BID: variants seen among roughly 807,000 people sequenced by gnomAD.
The protein encoded by BID is BH3 interacting domain death agonist.
BID carries 19 observed loss-of-function variants against 17.4 expected under a neutral mutation model. That is an observed-to-expected ratio of 1.09 (90% CI 0.76 to 1.60). BID has a LOEUF of 1.60. BID is among the 40% of genes most tolerant of loss of function. The probability of loss-of-function intolerance (pLI) is 0.00; values close to 1 mark genes in which losing one functional copy is unlikely to be tolerated. For missense variants in BID, 226 were observed against 256.0 expected, an observed-to-expected ratio of 0.88 and a Z score of 0.80; for synonymous variants, 108 against 102.8, an observed-to-expected ratio of 1.05 and a Z score of -0.31.
At position 17,738,348 on chromosome 22, in the gene BID, G is replaced by A. The variant is rs535614913; in HGVS notation, c.364-119C>T. The A allele has an allele frequency of 1.3e-4, 127 of 940,976 alleles. 2 individuals are homozygous for A. Among genetic ancestry groups the A allele is most frequent in the South Asian group, 1.3e-3 (82 of 61,286 alleles). The allele number at this position is 940,976 out of a possible 1,614,324, so 58.3% of individuals were successfully genotyped here. A position where few individuals can be genotyped will look rare whatever the true frequency, so the allele number is the denominator to read the frequency against. On this transcript the variant is annotated intron_variant, in intron 4 of 5. Transcript: ENST00000622694. The stretch of plus-strand genomic sequence containing the variant: ...TATTAAGTATCCAGGGCTGCTGGGC[G>A]GAAAGAATGAGAAACAGTTGAGTTC...
intron 1 of BID, among the ~76,000 whole-genome samples, chr22:17,771,151 G>A (rs2061716409): frequency 6.6e-6 from 1 of 152,332 alleles, no homozygotes; most frequent in East Asian, 1.9e-4. Flanking sequence ...CCAGGCTGGA[G>A]TGCAGTGGCG....
intron 1 of BID, among the ~76,000 whole-genome samples, chr22:17,751,378 CAAA>C (rs771455561): frequency 1.2e-5 from 1 of 80,674 alleles, no homozygotes; most frequent in Non-Finnish European, 2.7e-5. Flanking sequence ...GACTCCGTCT[CAAA>C]AAAAAAAAAA....
At chr22:17,750,067 C>T (rs1188181042) in intron 2 of BID, 38 bp downstream of exon 2, 3 of 1,601,124 alleles carry the variant, frequency 1.9e-6, no homozygotes, top group East Asian at 2.2e-5. Flanking sequence ...CTCGACCCCG[C>T]CCCCCACAAG....
At chr22:17,756,460 TTTCTTTCTTTCTTTC>T (rs2061588604) in intron 1 of BID, among the ~76,000 whole-genome samples, 3 of 117,636 alleles carry the variant, frequency 2.6e-5, no homozygotes, top group Admixed American at 8.3e-5. Context: ...TCTTTCTTTC[TTTCTTTCTTTCTTTC>T]TTTTCTTTCT....
intron 2 of BID, 85 bp downstream of exon 2, chr22:17,750,020 C>A: frequency 7.3e-7 from 1 of 1,368,278 alleles, no homozygotes; most frequent in East Asian, 2.4e-5. Flanking sequence ...CCTCAGCCCT[C>A]AGGGATGCGT....
chr22:17,745,943 G>A (rs1425764673), intron 2 of BID, among the ~76,000 whole-genome samples: 2 of 151,944 alleles, frequency 1.3e-5, no homozygotes, highest in Non-Finnish European at 2.9e-5. Flanking sequence ...TCCAGCCTGG[G>A]GGACGAGAGC....
chr22:17,745,141 C>T (rs1295812082), intron 2 of BID, among the ~76,000 whole-genome samples: 1 of 151,504 alleles, frequency 6.6e-6, no homozygotes, highest in East Asian at 1.9e-4. Context: ...ACCTCCGCTT[C>T]CTGGGTTCAA....
In BID at chr22:17,749,964, C is replaced by G. The variant is rs1030941595; in HGVS notation, c.12+141G>C. ...CGCCTGCTTCAGTGAAGGGGCTGGG[C>G]GGGGTTCGTCTGTGCCGAGCTGTGG... On this transcript the variant is annotated intron_variant, in intron 2 of 5. Coordinates refer to ENST00000622694, the MANE Select transcript of BID (RefSeq NM_001196.4). The G allele has an allele frequency of 4.0e-5, 31 of 770,396 alleles. No individual in the cohort carries two copies. In the African/African-American group the frequency reaches 5.0e-4, roughly 12 times the overall value. The allele number at this position is 770,396 out of a possible 1,614,324, so 47.7% of individuals were successfully genotyped here. A position where few individuals can be genotyped will look rare whatever the true frequency, so the allele number is the denominator to read the frequency against.
At position 17,739,896 on chromosome 22, in the gene BID, C is replaced by T. The variant is rs1451452520; in HGVS notation, c.224-408G>A. 10 of 670,438 alleles carry T rather than the reference C, an allele frequency of 1.5e-5. No individual in the cohort carries two copies. In the Admixed American group the frequency reaches 2.5e-4, roughly 17 times the overall value. 41.5% of individuals were successfully genotyped at this position (670,438 alleles called of 1,614,324 possible). On this transcript the variant is annotated intron_variant, in intron 3 of 5. Transcript: ENST00000622694. Reference sequence around the variant, plus strand: ...CTGTGGGCAGACGGCATCCCAGACCCACTTTTGCCCTCTCAAGCCTGAGAG... The same window carrying T: ...CTGTGGGCAGACGGCATCCCAGACCTACTTTTGCCCTCTCAAGCCTGAGAG...
chr22:17,738,046 G>C lies in BID; in HGVS notation c.547C>G (p.Arg183Gly), dbSNP rs538615870. The change falls in exon 5 of 6, where the codon CGC becomes GGC. Residue 183 changes from arginine to glycine, a missense_variant. Coordinates refer to ENST00000622694, the MANE Select transcript of BID (RefSeq NM_001196.4). ...TTVNFINQNL[R>G]TYVRSLARNG... is the part of the protein sequence containing the mutation. ...CTGGCTAAGCTCCTCACGTAGGTGCGTAGGTTCTGGTTAATAAAATTCACT... is the reference window on the plus strand; with the variant it reads ...CTGGCTAAGCTCCTCACGTAGGTGCCTAGGTTCTGGTTAATAAAATTCACT... 6.2e-7 allele frequency: 1 copy of C among 1,614,080 alleles called. No individual in the cohort carries two copies. The highest frequency in any genetic ancestry group is 2.2e-5 in the East Asian group (1 of 44,894).
In BID at chr22:17,739,477, G is replaced by T; in HGVS notation, c.235C>A (p.Gln79Lys). 2 of 1,611,682 alleles carry T rather than the reference G, an allele frequency of 1.2e-6. No individual in the cohort carries two copies. Among genetic ancestry groups the T allele is most frequent in the East Asian group, 2.2e-5 (1 of 44,874 alleles). ...LGRIEADSESQEDIIRNIARH... is the reference protein window; with the variant it reads ...LGRIEADSESKEDIIRNIARH... ...GCAATATTCCGGATGATGTCTTCTTGACTTTCAGAATCTGTGTTCAGGCAG... is the reference window on the plus strand; with the variant it reads ...GCAATATTCCGGATGATGTCTTCTTTACTTTCAGAATCTGTGTTCAGGCAG... The change falls in exon 4 of 6, where the codon CAA (glutamine) becomes AAA (lysine). Residue 79 changes from glutamine to lysine, a missense_variant. By Grantham distance (53) the Gln-to-Lys change is moderately conservative. Coordinates refer to ENST00000622694, the MANE Select transcript of BID (RefSeq NM_001196.4).
Position 17,743,929 on chromosome 22 carries a change from A to C in BID, c.97T>G (p.Phe33Val). 1.9e-6 allele frequency: 3 copies of C among 1,613,944 alleles called. No homozygotes were observed. The highest frequency in any genetic ancestry group is 2.5e-6 in the Non-Finnish European group (3 of 1,180,036). The change falls in exon 3 of 6, where the codon TTC becomes GTC. Residue 33 changes from phenylalanine (F) to valine (V), a missense_variant. Physicochemically the swap from Phe to Val is conservative, Grantham distance 50 (BLOSUM62 -1). Coordinates refer to ENST00000622694, the MANE Select transcript of BID (RefSeq NM_001196.4). Reference sequence around the variant, plus strand: ...CCCAGTGCGTCCAGCTCTCTGCGGAAGCTGTTGTCAGAACAGCTTTGGAGG... The same window carrying C: ...CCCAGTGCGTCCAGCTCTCTGCGGACGCTGTTGTCAGAACAGCTTTGGAGG... ...GFLQSCSDNS[F>V]RRELDALGHE...
At chr22:17,764,792 C>G (rs2061666768) in intron 1 of BID, among the ~76,000 whole-genome samples, 1 of 152,144 alleles carries the variant, frequency 6.6e-6, no homozygotes, top group South Asian at 2.1e-4. Flanking sequence ...TTGCTTTGAT[C>G]CTGAGACAGT....
At chr22:17,744,062 G>T in intron 2 of BID, 49 bp from the exon 3 acceptor site, 1 of 1,517,320 alleles carries the variant, frequency 6.6e-7, no homozygotes. Flanking sequence ...CAGGCCAGAG[G>T]CCCCTCCTGC....
chr22:17,760,047 T>G (rs2061624989), intron 1 of BID, among the ~76,000 whole-genome samples: 2 of 143,216 alleles, frequency 1.4e-5, no homozygotes, highest in African/African-American at 5.3e-5. Context: ...GGCAGGAGAA[T>G]GGCGTGAACT....
chr22:17,753,558 A>T (rs1032584660), intron 1 of BID, among the ~76,000 whole-genome samples: 1 of 152,232 alleles, frequency 6.6e-6, no homozygotes, highest in Non-Finnish European at 1.5e-5. Context: ...TTGTCACTTA[A>T]GAAGAAATCC....
At chr22:17,738,940 A>T (rs1394071729) in intron 4 of BID, among the ~76,000 whole-genome samples, 1 of 152,198 alleles carries the variant, frequency 6.6e-6, no homozygotes, top group African/African-American at 2.4e-5. Flanking sequence ...AGTGCCAAGC[A>T]GATGGTAGAG....
chr22:17,758,386 G>A (rs1001086445), intron 1 of BID, among the ~76,000 whole-genome samples: 1 of 152,168 alleles, frequency 6.6e-6, no homozygotes, highest in African/African-American at 2.4e-5. Context: ...TTGAGAAAAG[G>A]CACAGACGCC....
At position 17,743,975 on chromosome 22, in the gene BID, T is replaced by G. The variant is rs1472656654; in HGVS notation, c.51A>C (p.Thr17=). 6.2e-7 allele frequency: 1 copy of G among 1,613,912 alleles called. No individual in the cohort carries two copies. The highest frequency in any genetic ancestry group is 2.2e-5 in the East Asian group (1 of 44,898). ...GGAGGAAGCCAAACACCAGTAGGTT[T>G]GTGATGCACTCATCCCTGAGGCTGG... ...NGSSLRDECI[T]NLLVFGFLQS... is the part of the protein sequence containing the mutation. The change falls in exon 3 of 6, where the codon ACA becomes ACC. Residue 17 remains threonine, a synonymous_variant. Transcript: ENST00000622694.
Sources: allele counts gnomAD v4.1 joint callset (sites outside exome capture counted in the v4.1 genomes callset), GRCh38; gene constraint gnomAD v4.1.1; transcripts MANE v1.5; gene names NCBI Gene and HGNC (gene_info 2026-07-23, HGNC 2026-07-21).